The following TRPM3 variants were observed in gnomAD, a reference collection of about 807,000 sequenced individuals.
TRPM3 encodes the protein long transient receptor potential channel 3.
In TRPM3, 77 loss-of-function variants were observed where a neutral mutation model predicts 181.2. That is an observed-to-expected ratio of 0.42 (90% CI 0.35 to 0.51). The LOEUF is 0.51. TRPM3 is among the 20% of genes least tolerant of loss of function. TRPM3 has a pLI of 0.01. For synonymous variants in TRPM3, 745 were observed against 796.4 expected (o/e 0.94, Z 1.09); for missense variants, 1,759 against 2,196.7 (o/e 0.80, Z 3.98).
chr9:71,323,428 T>C (rs936904828), intron 1 of TRPM3, among the ~76,000 whole-genome samples: 1 of 152,174 alleles, frequency 6.6e-6, no homozygotes, highest in Non-Finnish European at 1.5e-5. Context: ...AAAGAGGTAG[T>C]GTTATCTACA....
rs1032334430 is a variant in TRPM3, at chr9:71,022,246, T to C, written c.177+98932A>G. Among the ~76,000 whole-genome samples the C allele has an allele frequency of 5.9e-5, 9 of 152,306 alleles. No homozygotes were observed. The East Asian group carries it at 1.5e-3, about 26-fold the overall frequency. The stretch of plus-strand genomic sequence containing the variant: ...GAACCCACAAATAGACCTACACAAA[T>C]ATGTCTAACCAATTTTTGACAAAGG... On this transcript the variant is annotated intron_variant, in intron 1 of 25. Coordinates refer to ENST00000677713, the MANE Select transcript of TRPM3 (RefSeq NM_001366145.2).
intron 1 of TRPM3, among the ~76,000 whole-genome samples, chr9:71,021,923 G>T (rs545317191): frequency 6.6e-6 from 1 of 152,150 alleles, no homozygotes; most frequent in Non-Finnish European, 1.5e-5. Flanking sequence ...ATATATCATT[G>T]AGAGATAAAT....
chr9:70,940,715 C>A (rs910003397), intron 1 of TRPM3, among the ~76,000 whole-genome samples: 1 of 152,292 alleles, frequency 6.6e-6, no homozygotes, highest in Middle Eastern at 3.4e-3. Flanking sequence ...GGCATTGGAA[C>A]TAACACTGAA....
intron 1 of TRPM3, among the ~76,000 whole-genome samples, chr9:71,237,988 T>G (rs994082885): frequency 2.0e-5 from 3 of 152,168 alleles, no homozygotes; most frequent in Non-Finnish European, 4.4e-5. Context: ...TGGCAACACC[T>G]GAATTTTGGA....
chr9:70,806,755 T>C (rs1197176461), intron 6 of TRPM3, among the ~76,000 whole-genome samples: 1 of 152,034 alleles, frequency 6.6e-6, no homozygotes, highest in Non-Finnish European at 1.5e-5. Context: ...TTAACAGCTA[T>C]GACAACTTTA....
At chr9:70,621,820 G>T (rs2063682840) in intron 14 of TRPM3, among the ~76,000 whole-genome samples, 1 of 152,128 alleles carries the variant, frequency 6.6e-6, no homozygotes, top group Non-Finnish European at 1.5e-5. Flanking sequence ...TGAATCTACA[G>T]AAAATGAGGA....
At chr9:70,856,281 G>C (rs1026643106) in intron 3 of TRPM3, among the ~76,000 whole-genome samples, 2 of 152,110 alleles carry the variant, frequency 1.3e-5, no homozygotes, top group Non-Finnish European at 2.9e-5. Context: ...CCTTCCAAAG[G>C]TACTGCCAGT....
chr9:71,035,467 G>A (rs1269903292), intron 1 of TRPM3, among the ~76,000 whole-genome samples: 2 of 152,208 alleles, frequency 1.3e-5, no homozygotes, highest in Non-Finnish European at 2.9e-5. Flanking sequence ...TGTAATCCCA[G>A]CACTTCTGGG....
intron 22 of TRPM3, among the ~76,000 whole-genome samples, chr9:70,563,646 G>T (rs1007114665): frequency 6.6e-6 from 1 of 152,194 alleles, no homozygotes; most frequent in African/African-American, 2.4e-5. Flanking sequence ...TGTACTTAAA[G>T]AACATATAGA....
chr9:71,182,170 A>T (rs529778512), intron 1 of TRPM3, among the ~76,000 whole-genome samples: 39 of 152,226 alleles, frequency 2.6e-4, no homozygotes, highest in African/African-American at 9.4e-4. Flanking sequence ...TTTTTTTCTC[A>T]AACATGTATT....
intron 22 of TRPM3, among the ~76,000 whole-genome samples, chr9:70,582,426 C>A (rs2056109058): frequency 6.6e-6 from 1 of 152,118 alleles, no homozygotes. Flanking sequence ...GAGTTTAATT[C>A]ATGCATCAAC....
rs187412545 is a variant in TRPM3 at position 70,555,411 on chromosome 9, G to A, written c.3224-2101C>T. Among the ~76,000 whole-genome samples the A allele has an allele frequency of 2.3e-3, 353 of 152,324 alleles. 3 individuals carry two copies. The Middle Eastern group carries it at 0.024, about 10-fold the overall frequency. On this transcript the variant is annotated intron_variant, in intron 22 of 25. Transcript: ENST00000677713. The stretch of plus-strand genomic sequence containing the variant: ...TTCCACACAAGATTCCTGGTGGAAG[G>A]TTGCTCCTCAAGATTTCCCATCATC...
chr9:71,396,931 A>G (rs1588841781), intron 1 of TRPM3, among the ~76,000 whole-genome samples: 1 of 150,172 alleles, frequency 6.7e-6, no homozygotes, highest in African/African-American at 2.5e-5. Flanking sequence ...GCGCCACTGC[A>G]CTCCAGCCTG....
At chr9:70,853,761 G>A (rs777836824) in intron 3 of TRPM3, among the ~76,000 whole-genome samples, 18 of 152,234 alleles carry the variant, frequency 1.2e-4, no homozygotes, top group Admixed American at 4.6e-4. Context: ...GATGTTGCCC[G>A]TTATTTGTGA....
At chr9:70,993,620 G>A (rs888903718) in intron 1 of TRPM3, among the ~76,000 whole-genome samples, 8 of 152,098 alleles carry the variant, frequency 5.3e-5, no homozygotes, top group South Asian at 2.1e-4. Flanking sequence ...GTCAGAACTG[G>A]AAATGCAGAT....
At chr9:70,642,303 G>A (rs1328582806) in intron 9 of TRPM3, among the ~76,000 whole-genome samples, 1 of 152,172 alleles carries the variant, frequency 6.6e-6, no homozygotes, top group African/African-American at 2.4e-5. Flanking sequence ...CTACTAACAG[G>A]GTAAATGGAA....
At chr9:71,030,334 G>A (rs986691203) in intron 1 of TRPM3, among the ~76,000 whole-genome samples, 5 of 152,172 alleles carry the variant, frequency 3.3e-5, no homozygotes, top group Admixed American at 6.5e-5. Context: ...GTAGGCCGAG[G>A]TGGGCAGATC....
chr9:70,854,236 G>A (rs2095324456), intron 3 of TRPM3, among the ~76,000 whole-genome samples: 1 of 152,194 alleles, frequency 6.6e-6, no homozygotes, highest in Admixed American at 6.5e-5. Context: ...AGCATGCTCA[G>A]TTTTGTCCCC....
chr9:71,076,422 T>C (rs2133649927), intron 1 of TRPM3, among the ~76,000 whole-genome samples: 1 of 152,298 alleles, frequency 6.6e-6, no homozygotes, highest in Admixed American at 6.5e-5. Flanking sequence ...CTTGGGTTCC[T>C]GGATTGGGTG....
Sources: allele counts gnomAD v4.1 joint callset (sites outside exome capture counted in the v4.1 genomes callset), GRCh38; gene constraint gnomAD v4.1.1; transcripts MANE v1.5; gene names NCBI Gene and HGNC (gene_info 2026-07-23, HGNC 2026-07-21).